Variants in IL6ST observed in about 807,000 individuals in gnomAD.
The protein encoded by IL6ST is interleukin-6 receptor subunit beta.
A neutral mutation model predicts 91.3 loss-of-function variants in IL6ST; 24 were observed. The ratio of observed to expected loss-of-function variants is 0.26; its 90% CI spans 0.19 to 0.37. The LOEUF is 0.37. Ranked by LOEUF, IL6ST falls within the 10% of genes least tolerant of loss-of-function variation. The pLI is 1.00. For missense variants in IL6ST, 914 were observed against 1,078.5 expected (o/e 0.85, Z 2.14); for synonymous variants, 351 against 373.6 (o/e 0.94, Z 0.70).
chr5:55,968,018 AACT>A (rs2111800860), intron 5 of IL6ST, among the ~76,000 whole-genome samples: 1 of 152,130 alleles, frequency 6.6e-6, no homozygotes, highest in South Asian at 2.1e-4. Flanking sequence ...GCTGGTCTCG[AACT>A]CCTGACCTCA....
chr5:55,944,275 C>T (rs550614121), intron 15 of IL6ST, among the ~76,000 whole-genome samples: 1 of 152,178 alleles, frequency 6.6e-6, no homozygotes, highest in African/African-American at 2.4e-5. Flanking sequence ...AAGATTAGAA[C>T]AACTATAATT....
At chr5:55,951,237 C>A (rs2111672004) in intron 14 of IL6ST, among the ~76,000 whole-genome samples, 1 of 152,208 alleles carries the variant, frequency 6.6e-6, no homozygotes, top group Non-Finnish European at 1.5e-5. Flanking sequence ...TACACAAATT[C>A]TTTTAGGATT....
chr5:55,986,959 G>C (rs1197201339), intron 1 of IL6ST, among the ~76,000 whole-genome samples: 1 of 152,192 alleles, frequency 6.6e-6, no homozygotes, highest in African/African-American at 2.4e-5. Flanking sequence ...AAGCCCAGAA[G>C]TTTAAGATCA....
chr5:55,985,731 C>T (rs970217865), intron 1 of IL6ST, among the ~76,000 whole-genome samples: 4 of 152,076 alleles, frequency 2.6e-5, no homozygotes, highest in Non-Finnish European at 4.4e-5. Flanking sequence ...ATTGCCTTTG[C>T]GTCTTTCTTA....
intron 7 of IL6ST, among the ~76,000 whole-genome samples, chr5:55,961,526 A>G (rs1197060092): frequency 1.3e-5 from 2 of 152,070 alleles, no homozygotes; most frequent in African/African-American, 2.4e-5. Context: ...GGGAGACTGA[A>G]GTAGGTGGAT....
At chr5:55,992,066 T>C (rs1754365109) in intron 1 of IL6ST, among the ~76,000 whole-genome samples, 2 of 152,232 alleles carry the variant, frequency 1.3e-5, no homozygotes, top group South Asian at 4.1e-4. Context: ...ATGTCTTTCC[T>C]GACTCTGCTG....
At chr5:55,951,686 T>TA in intron 13 of IL6ST, 82 bp from the exon 14 acceptor site, 9 of 1,355,258 alleles carry the variant, frequency 6.6e-6, no homozygotes, top group Admixed American at 2.4e-5. Context: ...GTGAAAGTGT[T>TA]AAAAAAGAAG....
chr5:55,966,406 G>A (rs1171526604), intron 5 of IL6ST, among the ~76,000 whole-genome samples: 1 of 152,170 alleles, frequency 6.6e-6, no homozygotes, highest in African/African-American at 2.4e-5. Context: ...AGGTGTGTTA[G>A]TCATGTTCTA....
chr5:55,946,610 A>C (rs1022385666), intron 15 of IL6ST, among the ~76,000 whole-genome samples: 32 of 152,224 alleles, frequency 2.1e-4, no homozygotes, highest in African/African-American at 7.7e-4. Context: ...TGAGGTCCGG[A>C]GTTCGAGACC....
chr5:55,938,026 A>C lies in IL6ST; in HGVS notation c.*3056T>G, dbSNP rs1750645514. ...GTTTTAACTAGTTAAATGGGTAGAA[A>C]AAAGACATCTTTAATAATTGATTTC... On this transcript the variant is annotated 3_prime_UTR_variant, in exon 17 of 17. Transcript: ENST00000381298. 1 of 189,152 alleles carries C rather than the reference A, an allele frequency of 5.3e-6. No individual in the cohort carries two copies. The highest frequency in any genetic ancestry group is 1.9e-4 in the South Asian group (1 of 5,154). The allele number at this position is 189,152 out of a possible 1,614,324, so 11.7% of individuals were successfully genotyped here.
At chr5:55,979,316 G>A (rs1017639833) in intron 2 of IL6ST, among the ~76,000 whole-genome samples, 2 of 152,160 alleles carry the variant, frequency 1.3e-5, no homozygotes, top group South Asian at 2.1e-4. Context: ...AAAAGTCTAC[G>A]GTGTTTGGTG....
rs3730294 is a variant in IL6ST, at chr5:55,951,967, T to A, written c.1661A>T (p.Tyr554Phe). 89 of 1,509,292 alleles carry A rather than the reference T, an allele frequency of 5.9e-5. 1 individual carries two copies. In the East Asian group the frequency reaches 1.6e-3, roughly 26 times the overall value. The allele number at this position is 1,509,292 out of a possible 1,614,324, so 93.5% of individuals were successfully genotyped here. Reference sequence around the variant, plus strand: ...AATGATGGTTCTATAAAATATAGTATAATTTCTGATAAATCCATTCTGAAC... The same window carrying A: ...AATGATGGTTCTATAAAATATAGTAAAATTTCTGATAAATCCATTCTGAAC... ...VDVQNGFIRN[Y>F]TIFYRTIIGN... The change falls in exon 13 of 17, where the codon TAT becomes TTT. Residue 554 changes from tyrosine to phenylalanine, a missense_variant. Physicochemically the swap from Tyr to Phe is conservative, Grantham distance 22. Transcript: ENST00000381298.
chr5:55,979,882 T>C (rs778248152), intron 2 of IL6ST, among the ~76,000 whole-genome samples: 6 of 152,196 alleles, frequency 3.9e-5, no homozygotes, highest in East Asian at 1.9e-4. Flanking sequence ...CTGATTATGA[T>C]GGGACACTAG....
chr5:55,990,891 CCCCCTA>C (rs1240893820), intron 1 of IL6ST, among the ~76,000 whole-genome samples: 5 of 133,744 alleles, frequency 3.7e-5, no homozygotes, highest in Non-Finnish European at 7.9e-5. Context: ...CCTCCCCCCT[CCCCCTA>C]CCCCATGACA....
intron 12 of IL6ST, 28 bp downstream of exon 12, chr5:55,952,222 T>C (rs1394036499): frequency 6.4e-7 from 1 of 1,562,776 alleles, no homozygotes; most frequent in Non-Finnish European, 8.7e-7. Flanking sequence ...CTAAACTTTT[T>C]TTTTCAAAGA....
intron 1 of IL6ST, among the ~76,000 whole-genome samples, chr5:55,985,142 C>T (rs1230476182): frequency 1.3e-5 from 2 of 152,036 alleles, no homozygotes; most frequent in Non-Finnish European, 2.9e-5. Flanking sequence ...TATCTTTTGA[C>T]GAATAGGAGG....
chr5:55,989,858 G>A (rs1754210555), intron 1 of IL6ST, among the ~76,000 whole-genome samples: 1 of 152,130 alleles, frequency 6.6e-6, no homozygotes, highest in East Asian at 1.9e-4. Context: ...GACTCTAATT[G>A]TCAAGTGAAG....
rs752505686 is a variant in IL6ST at position 55,942,798 on chromosome 5, C to T, written c.1938-47G>A. On this transcript the variant is annotated intron_variant, in intron 15 of 16. Transcript: ENST00000381298. Reference sequence around the variant, plus strand: ...CCTATGTAAAACCACACATAATAAACAATAAATAGTCCCTATTTCTAAACA... The same window carrying T: ...CCTATGTAAAACCACACATAATAAATAATAAATAGTCCCTATTTCTAAACA... 6 of 960,626 alleles carry T rather than the reference C, an allele frequency of 6.2e-6. No individual in the cohort carries two copies. The Admixed American group carries it at 1.1e-4, about 18-fold the overall frequency. 59.5% of individuals were successfully genotyped at this position (960,626 alleles called of 1,614,324 possible). A position where few individuals can be genotyped will look rare whatever the true frequency, so the allele number is the denominator to read the frequency against.
At chr5:55,956,729 A>G (rs1375359712) in intron 9 of IL6ST, among the ~76,000 whole-genome samples, 1 of 152,190 alleles carries the variant, frequency 6.6e-6, no homozygotes, top group African/African-American at 2.4e-5. Context: ...TAGTTTATGA[A>G]CCTGACTTCT....
Sources: gnomAD v4.1 joint callset for allele counts (sites outside exome capture counted in the v4.1 genomes callset) on GRCh38, gnomAD v4.1.1 for gene constraint, MANE v1.5 for transcripts, NCBI Gene and HGNC (gene_info 2026-07-23, HGNC 2026-07-21) for gene names.